KDM4C: variants seen among roughly 807,000 people sequenced by gnomAD.
KDM4C encodes the protein lysine demethylase 4C.
A neutral mutation model predicts 129.3 loss-of-function variants in KDM4C; 81 were observed. That is an observed-to-expected ratio of 0.63 (90% CI 0.52 to 0.75). The LOEUF (loss-of-function observed/expected upper bound fraction) is 0.75. Among genes scored for constraint, KDM4C ranks in the 30% least tolerant of loss-of-function variants. The probability of loss-of-function intolerance (pLI) is 0.00; values close to 1 mark genes in which losing one functional copy is unlikely to be tolerated. For missense variants in KDM4C, 1,457 were observed against 1,304.0 expected, an observed-to-expected ratio of 1.12 and a Z score of -1.81; for synonymous variants, 573 against 456.1, an observed-to-expected ratio of 1.26 and a Z score of -3.26.
chr9:6,745,687 G>C (rs1226494621), intron 1 of KDM4C, among the ~76,000 whole-genome samples: 1 of 151,954 alleles, frequency 6.6e-6, no homozygotes, highest in Non-Finnish European at 1.5e-5. Context: ...TGCCCTGGCT[G>C]GGGTGCAGTG....
chr9:7,119,172 T>C (rs1044364347), intron 18 of KDM4C, among the ~76,000 whole-genome samples: 1 of 152,142 alleles, frequency 6.6e-6, no homozygotes, highest in African/African-American at 2.4e-5. Flanking sequence ...GGTGCCTTCA[T>C]TGAGTTTCAT....
At chr9:6,748,962 C>T (rs573342551) in intron 1 of KDM4C, 18 of 856,070 alleles carry the variant, frequency 2.1e-5, no homozygotes, top group Non-Finnish European at 4.1e-6. Flanking sequence ...CACTTTCTGG[C>T]CCTGGCCACT....
intron 19 of KDM4C, among the ~76,000 whole-genome samples, chr9:7,162,146 C>G (rs914907913): frequency 3.9e-5 from 6 of 152,112 alleles, no homozygotes; most frequent in African/African-American, 1.4e-4. Flanking sequence ...AGAATCGTGC[C>G]CCCTGGTTTT....
At chr9:6,825,580 G>A (rs1833753987) in intron 4 of KDM4C, among the ~76,000 whole-genome samples, 1 of 152,162 alleles carries the variant, frequency 6.6e-6, no homozygotes, top group Non-Finnish European at 1.5e-5. Context: ...GGTACATCAT[G>A]TCCTGTGTTT....
intron 19 of KDM4C, among the ~76,000 whole-genome samples, chr9:7,139,461 C>G (rs1587834430): frequency 6.6e-6 from 1 of 152,074 alleles, no homozygotes; most frequent in East Asian, 1.9e-4. Context: ...GCAGCCAACA[C>G]CTGAAGTCAT....
At chr9:6,960,201 G>A (rs1193856173) in intron 8 of KDM4C, among the ~76,000 whole-genome samples, 2 of 151,894 alleles carry the variant, frequency 1.3e-5, no homozygotes, top group African/African-American at 4.8e-5. Flanking sequence ...ATTTATTACA[G>A]ATGCATATAC....
At chr9:7,122,490 T>A (rs1387928273) in intron 18 of KDM4C, among the ~76,000 whole-genome samples, 1 of 152,188 alleles carries the variant, frequency 6.6e-6, no homozygotes, top group Admixed American at 6.5e-5. Context: ...TCTAGACTAC[T>A]TCTAAACTGT....
chr9:6,960,253 T>C (rs2131592377), intron 8 of KDM4C, among the ~76,000 whole-genome samples: 1 of 151,466 alleles, frequency 6.6e-6, no homozygotes, highest in Admixed American at 6.6e-5. Flanking sequence ...GAAAGAAGGA[T>C]AAATGGAAGC....
intron 17 of KDM4C, among the ~76,000 whole-genome samples, chr9:7,086,661 A>C (rs1321611643): frequency 6.6e-6 from 1 of 152,166 alleles, no homozygotes; most frequent in African/African-American, 2.4e-5. Context: ...TTTTCTCCTC[A>C]GATAACTGCT....
At chr9:6,806,533 A>ATAAG (rs1830002845) in intron 3 of KDM4C, among the ~76,000 whole-genome samples, 3 of 149,282 alleles carry the variant, frequency 2.0e-5, no homozygotes, top group Admixed American at 2.0e-4. Context: ...AAATAAATAA[A>ATAAG]TAATCCCAAA....
chr9:6,998,298 A>G (rs576313389), intron 12 of KDM4C, among the ~76,000 whole-genome samples: 111 of 152,356 alleles, frequency 7.3e-4, no homozygotes, highest in African/African-American at 2.6e-3. Context: ...GTTTAAATAT[A>G]CAGACAGAAG....
chr9:7,038,183 G>A (rs1296699407), intron 15 of KDM4C, among the ~76,000 whole-genome samples: 10 of 151,982 alleles, frequency 6.6e-5, no homozygotes, highest in Non-Finnish European at 1.3e-4. Flanking sequence ...TAAATTGTAC[G>A]TTTCTTGTAA....
At chr9:6,743,337 C>T (rs555155663) in intron 1 of KDM4C, among the ~76,000 whole-genome samples, 10 of 152,192 alleles carry the variant, frequency 6.6e-5, no homozygotes, top group African/African-American at 1.2e-4. Flanking sequence ...ACCAGCACCC[C>T]GCACAATTCA....
chr9:7,123,374 C>T (rs1371156161), intron 18 of KDM4C, among the ~76,000 whole-genome samples: 2 of 152,238 alleles, frequency 1.3e-5, no homozygotes, highest in East Asian at 3.9e-4. Flanking sequence ...CACACCTAGC[C>T]AAAGAAAGAG....
intron 21 of KDM4C, chr9:7,170,274 C>T (rs764670066): frequency 4.4e-5 from 47 of 1,079,524 alleles, no homozygotes; most frequent in Middle Eastern, 4.3e-4. Flanking sequence ...AAAGGGGACT[C>T]GGCATAATTG....
intron 1 of KDM4C, among the ~76,000 whole-genome samples, chr9:6,767,581 C>T (rs985613931): frequency 1.2e-4 from 18 of 152,114 alleles, no homozygotes; most frequent in African/African-American, 3.4e-4. Context: ...ACTACAGGCA[C>T]CTGCCACCAT....
intron 2 of KDM4C, among the ~76,000 whole-genome samples, chr9:6,802,122 T>C (rs555739174): frequency 6.8e-6 from 1 of 147,372 alleles, no homozygotes; most frequent in East Asian, 2.0e-4. Context: ...AAAAAAAAAG[T>C]ATCAGTAAGG....
intron 8 of KDM4C, among the ~76,000 whole-genome samples, chr9:6,955,519 C>G (rs973897624): frequency 2.0e-5 from 3 of 152,158 alleles, no homozygotes; most frequent in African/African-American, 4.8e-5. Context: ...TCATTCAGCC[C>G]TCTTATTGTG....
In KDM4C at chr9:7,138,976, T is replaced by C. The variant is rs1367644616; in HGVS notation, c.2781+10740T>C. On this transcript the variant is annotated intron_variant, in intron 19 of 21. Coordinates refer to ENST00000381309, the MANE Select transcript of KDM4C (RefSeq NM_015061.6). ...CTAGATATTTACTCTTTCTAGCCTT[T>C]AATTAATAATCTAGGCCAGGCGCAG... Among the ~76,000 whole-genome samples the C allele has an allele frequency of 3.3e-5, 5 of 152,242 alleles. No homozygotes were observed. In the East Asian group the frequency reaches 7.8e-4, roughly 24 times the overall value.
Sources: gnomAD v4.1 joint callset for allele counts (sites outside exome capture counted in the v4.1 genomes callset) on GRCh38, gnomAD v4.1.1 for gene constraint, MANE v1.5 for transcripts, NCBI Gene and HGNC (gene_info 2026-07-23, HGNC 2026-07-21) for gene names.